TBC1D22B: variants seen among roughly 807,000 people sequenced by gnomAD.
TBC1D22B encodes the protein TBC1 domain family member 22B, also known as chromosome 6 open reading frame 197.
TBC1D22B carries 32 observed loss-of-function variants against 69.1 expected under a neutral mutation model. The ratio of observed to expected loss-of-function variants is 0.46; its 90% CI spans 0.35 to 0.62. The LOEUF (loss-of-function observed/expected upper bound fraction) is 0.62. TBC1D22B is among the 20% of genes least tolerant of loss of function. TBC1D22B has a pLI of 0.00. For synonymous variants in TBC1D22B, 206 were observed against 229.8 expected, an observed-to-expected ratio of 0.90 and a Z score of 0.94; for missense variants, 462 against 630.9, an observed-to-expected ratio of 0.73 and a Z score of 2.87.
intron 8 of TBC1D22B, 117 bp downstream of exon 8, chr6:37,291,474 G>A: frequency 1.4e-6 from 1 of 708,184 alleles, no homozygotes; most frequent in Non-Finnish European, 2.3e-6. Context: ...AATAGAGAGT[G>A]CCTTTGGCAT....
At position 37,302,454 on chromosome 6, in the gene TBC1D22B, C is replaced by T. The variant is rs375704582; in HGVS notation, c.983-10464C>T. On this transcript the variant is annotated intron_variant, in intron 8 of 12. Coordinates refer to ENST00000373491, the MANE Select transcript of TBC1D22B (RefSeq NM_017772.4). ...CTGAGGTCCAATATAATTGACCATG[C>T]AGCCATCATCAAAATAAACTGCTTA... Among the ~76,000 whole-genome samples, 3 of 152,302 alleles carry T rather than the reference C, an allele frequency of 2.0e-5. No homozygotes were observed. The East Asian group carries it at 5.8e-4, about 29-fold the overall frequency.
intron 9 of TBC1D22B, among the ~76,000 whole-genome samples, chr6:37,313,550 A>G (rs149707): frequency 0.85 from 128,596 of 151,646 alleles, 54,675 homozygotes; most frequent in South Asian, 0.91. Context: ...AGAAATCTCC[A>G]TGTTGCCTTG....
At chr6:37,321,938 T>C (rs1768257544) in intron 12 of TBC1D22B, among the ~76,000 whole-genome samples, 1 of 152,208 alleles carries the variant, frequency 6.6e-6, no homozygotes, top group Admixed American at 6.5e-5. Flanking sequence ...ATGCTTAAGA[T>C]TTATGTCATG....
intron 12 of TBC1D22B, among the ~76,000 whole-genome samples, chr6:37,324,779 C>G (rs1768346184): frequency 6.6e-6 from 1 of 152,198 alleles, no homozygotes; most frequent in African/African-American, 2.4e-5. Context: ...AGTATATAGT[C>G]TAGTAATTAT....
At chr6:37,288,323 C>G (rs1767070248) in intron 7 of TBC1D22B, among the ~76,000 whole-genome samples, 1 of 152,210 alleles carries the variant, frequency 6.6e-6, no homozygotes, top group South Asian at 2.1e-4. Flanking sequence ...CTCAGCACTG[C>G]TTATTCCTCA....
At chr6:37,258,982 A>T (rs1583512715) in intron 1 of TBC1D22B, among the ~76,000 whole-genome samples, 1 of 145,662 alleles carries the variant, frequency 6.9e-6, no homozygotes, top group Non-Finnish European at 1.5e-5. Context: ...CGAGAGAGAG[A>T]TGAGGGTCAG....
chr6:37,296,952 A>G (rs1767401414), intron 8 of TBC1D22B, among the ~76,000 whole-genome samples: 2 of 151,812 alleles, frequency 1.3e-5, no homozygotes, highest in South Asian at 4.2e-4. Flanking sequence ...TCAGCCTCCC[A>G]AGTAGTTGGG....
Position 37,257,787 on chromosome 6 carries a change from T to A in TBC1D22B, c.-131T>A, listed in dbSNP as rs961868770. ...AGGGGTGCCCACATCCAAGATGGCG[T>A]CCCCAGGAGCTGGGAGCGGGTGACC... On this transcript the variant is annotated 5_prime_UTR_variant, in exon 1 of 13. Transcript: ENST00000373491. 14 of 973,560 alleles carry A rather than the reference T, an allele frequency of 1.4e-5. No homozygotes were observed. In the African/African-American group the frequency reaches 1.6e-4, roughly 11 times the overall value. 60.3% of individuals were successfully genotyped at this position (973,560 alleles called of 1,614,324 possible).
At chr6:37,289,912 T>A (rs79191755) in intron 7 of TBC1D22B, among the ~76,000 whole-genome samples, 1,804 of 152,240 alleles carry the variant, frequency 0.012, 30 homozygotes, top group African/African-American at 0.038. Flanking sequence ...AATGGGTAGG[T>A]CTAGTGAAGG....
chr6:37,320,827 T>C (rs1202983838), intron 12 of TBC1D22B, among the ~76,000 whole-genome samples: 2 of 152,226 alleles, frequency 1.3e-5, no homozygotes, highest in Non-Finnish European at 2.9e-5. Context: ...TTGCACATAG[T>C]ACTCTGGGAG....
Position 37,305,711 on chromosome 6 carries a change from A to G in TBC1D22B, c.983-7207A>G, listed in dbSNP as rs1437762348. On this transcript the variant is annotated intron_variant, in intron 8 of 12. Transcript: ENST00000373491. ...ATTTTTTTGTATTTTTAGTAGAGAC[A>G]AGGTTTCACTGTGTTAGCCAGAATG... Among the ~76,000 whole-genome samples the G allele has an allele frequency of 5.3e-5, 8 of 152,056 alleles. No homozygotes were observed. In the East Asian group the frequency reaches 1.4e-3, roughly 26 times the overall value.
intron 8 of TBC1D22B, among the ~76,000 whole-genome samples, chr6:37,304,159 C>G (rs1370773686): frequency 6.6e-6 from 1 of 152,192 alleles, no homozygotes; most frequent in Non-Finnish European, 1.5e-5. Flanking sequence ...TTCTCTCTCC[C>G]CTAAGGGATG....
chr6:37,323,344 A>G (rs554915904), intron 12 of TBC1D22B, among the ~76,000 whole-genome samples: 2 of 152,282 alleles, frequency 1.3e-5, no homozygotes, highest in South Asian at 4.1e-4. Context: ...CCTGGGCAAC[A>G]TAGGGAGACC....
At chr6:37,282,118 G>A in intron 3 of TBC1D22B, 67 bp from the exon 4 acceptor site, 1 of 1,562,300 alleles carries the variant, frequency 6.4e-7, no homozygotes. Flanking sequence ...GAACGGTTAG[G>A]TTTAAGGCTT....
chr6:37,271,011 A>G (rs1209704614), intron 2 of TBC1D22B, among the ~76,000 whole-genome samples: 1 of 152,218 alleles, frequency 6.6e-6, no homozygotes. Context: ...TCTGTGTGAT[A>G]CTATAAAAAT....
chr6:37,294,337 T>C (rs1232178678), intron 8 of TBC1D22B, among the ~76,000 whole-genome samples: 2 of 152,168 alleles, frequency 1.3e-5, no homozygotes, highest in Non-Finnish European at 1.5e-5. Context: ...CGGCTAACTT[T>C]ATAAAAACAA....
intron 10 of TBC1D22B, among the ~76,000 whole-genome samples, chr6:37,314,364 G>A (rs1036914951): frequency 7.2e-5 from 11 of 152,106 alleles, no homozygotes; most frequent in Non-Finnish European, 5.9e-5. Flanking sequence ...TGTCCTTCAC[G>A]TTATGATGTA....
chr6:37,314,045 C>A (rs1768004969), intron 10 of TBC1D22B, among the ~76,000 whole-genome samples, 154 bp downstream of exon 10: 1 of 152,202 alleles, frequency 6.6e-6, no homozygotes. Flanking sequence ...CCTTCCACAT[C>A]TCAGCAGGAA....
chr6:37,311,428 TTGTGAGGCTGAGG>T (rs1767907951), intron 8 of TBC1D22B, among the ~76,000 whole-genome samples: 1 of 152,108 alleles, frequency 6.6e-6, no homozygotes, highest in Non-Finnish European at 1.5e-5. Flanking sequence ...TCCTAGCACT[TTGTGAGGCTGAGG>T]TGTGAGGATC....
Sources: gnomAD v4.1 joint callset for allele counts (sites outside exome capture counted in the v4.1 genomes callset) on GRCh38, gnomAD v4.1.1 for gene constraint, MANE v1.5 for transcripts, NCBI Gene and HGNC (gene_info 2026-07-23, HGNC 2026-07-21) for gene names.